The following EGFR variants were observed in gnomAD, a reference collection of about 807,000 sequenced individuals.
EGFR encodes avian erythroblastic leukemia viral (v-erb-b) oncogene homolog.
Under a neutral mutation model 143.0 loss-of-function variants are expected in EGFR, and 58 were observed. The observed-to-expected ratio is 0.41, with a 90% CI of 0.33 to 0.50. EGFR has a LOEUF of 0.50. Ranked by LOEUF, EGFR falls within the 20% of genes least tolerant of loss-of-function variation. The pLI, the probability that EGFR is intolerant of heterozygous loss-of-function variation, is 0.39. For synonymous variants in EGFR, 613 were observed against 594.4 expected, an observed-to-expected ratio of 1.03 and a Z score of -0.45; for missense variants, 1,307 against 1,579.0, an observed-to-expected ratio of 0.83 and a Z score of 2.92.
chr7:55,154,233 A>G (rs2128935388), intron 7 of EGFR, 81 bp downstream of exon 7: 2 of 1,602,996 alleles, frequency 1.2e-6, no homozygotes, highest in Admixed American at 3.4e-5. Context: ...GGAGTATCCC[A>G]TCTTGGAGAG....
intron 1 of EGFR, among the ~76,000 whole-genome samples, chr7:55,035,388 G>A (rs1787497353): frequency 1.3e-5 from 2 of 151,892 alleles, no homozygotes; most frequent in Admixed American, 6.6e-5. Flanking sequence ...AAATGGCCGA[G>A]TGTGGTGGCT....
chr7:55,075,136 G>A (rs1223053473), intron 1 of EGFR, among the ~76,000 whole-genome samples: 6 of 152,022 alleles, frequency 3.9e-5, no homozygotes, highest in Admixed American at 6.5e-5. Context: ...CAGGGGCCAC[G>A]GTTGCAGCCT....
intron 1 of EGFR, among the ~76,000 whole-genome samples, chr7:55,052,775 G>T (rs1266908841): frequency 6.6e-6 from 1 of 152,216 alleles, no homozygotes; most frequent in Non-Finnish European, 1.5e-5. Context: ...CTCCGGGTGG[G>T]AATGGAGCTG....
chr7:55,144,226 G>A (rs751344518), intron 3 of EGFR, among the ~76,000 whole-genome samples: 14 of 152,198 alleles, frequency 9.2e-5, no homozygotes, highest in East Asian at 1.9e-4. Flanking sequence ...GGGTGAAGGC[G>A]TCATTAGGTC....
chr7:55,203,638 TACAC>T (rs753309143), intron 27 of EGFR, among the ~76,000 whole-genome samples: 7 of 93,712 alleles, frequency 7.5e-5, no homozygotes, highest in South Asian at 3.4e-4. Flanking sequence ...ACACCACACA[TACAC>T]ACACACACCA....
At chr7:55,171,536 C>T (rs1369456031) in intron 16 of EGFR, among the ~76,000 whole-genome samples, 2 of 152,234 alleles carry the variant, frequency 1.3e-5, no homozygotes, top group African/African-American at 4.8e-5. Flanking sequence ...GTGCCTCTAG[C>T]TCCTCTTTTT....
intron 22 of EGFR, among the ~76,000 whole-genome samples, chr7:55,193,345 C>A (rs531638203): frequency 7.4e-4 from 112 of 152,166 alleles, no homozygotes; most frequent in African/African-American, 2.5e-3. Context: ...CCTTGCTTCT[C>A]GCTCTCGGGA....
intron 7 of EGFR, 52 bp downstream of exon 7, chr7:55,154,204 C>G (rs2128935325): frequency 6.2e-7 from 1 of 1,613,266 alleles, no homozygotes. Flanking sequence ...TTGTCCCGCT[C>G]TGTCTCCTGC....
intron 1 of EGFR, among the ~76,000 whole-genome samples, chr7:55,051,064 T>G (rs564168001): frequency 6.6e-6 from 1 of 152,164 alleles, no homozygotes; most frequent in East Asian, 1.9e-4. Context: ...GTCGGCACCA[T>G]GCTAGAACTT....
At chr7:55,142,462 C>T in intron 2 of EGFR, 25 bp downstream of exon 2, 1 of 1,612,654 alleles carries the variant, frequency 6.2e-7, no homozygotes, top group Non-Finnish European at 8.5e-7. Context: ...TTTTCCTACA[C>T]AAATAAAATT....
intron 20 of EGFR, 153 bp downstream of exon 20, chr7:55,181,631 T>C (rs931396217): frequency 1.1e-6 from 1 of 891,794 alleles, no homozygotes; most frequent in Non-Finnish European, 1.8e-6. Flanking sequence ...TTCAATCAAG[T>C]TGATCTTCTT....
chr7:55,202,818 G>T, intron 27 of EGFR, 193 bp downstream of exon 27: 1 of 704,364 alleles, frequency 1.4e-6, no homozygotes, highest in Non-Finnish European at 2.6e-6. Context: ...GCTCTTTGTT[G>T]TGTCTGGTTG....
rs1786474510 is a variant in EGFR at position 55,173,950 on chromosome 7, A to C, written c.2091A>C (p.Glu697Asp). The C allele has an allele frequency of 1.2e-6, 2 of 1,614,202 alleles. No homozygotes were observed. The highest frequency in any genetic ancestry group is 1.7e-6 in the Non-Finnish European group (2 of 1,180,032). The change falls in exon 18 of 28, where the codon GAA (glutamate) becomes GAC (aspartate). Residue 697 changes from glutamate (E) to aspartate (D), a missense_variant. By Grantham distance (45) the Glu-to-Asp change is conservative. Coordinates refer to ENST00000275493, the MANE Select transcript of EGFR (RefSeq NM_005228.5). ...TGGAGCCTCTTACACCCAGTGGAGA[A>C]GCTCCCAACCAAGCTCTCTTGAGGA... ...ELVEPLTPSGEAPNQALLRIL... is the reference protein window; with the variant it reads ...ELVEPLTPSGDAPNQALLRIL...
At chr7:55,088,529 T>C (rs1790903494) in intron 1 of EGFR, among the ~76,000 whole-genome samples, 1 of 152,204 alleles carries the variant, frequency 6.6e-6, no homozygotes, top group Non-Finnish European at 1.5e-5. Flanking sequence ...CTGCCAGGCA[T>C]CCGCACTTGC....
At chr7:55,029,579 T>C (rs1480010366) in intron 1 of EGFR, among the ~76,000 whole-genome samples, 2 of 152,194 alleles carry the variant, frequency 1.3e-5, no homozygotes, top group Non-Finnish European at 2.9e-5. Flanking sequence ...TGTAAAAATA[T>C]ACTATATAAT....
chr7:55,206,032 G>A lies in EGFR; in HGVS notation c.*415G>A, dbSNP rs1279066544. The A allele has an allele frequency of 1.4e-5, 5 of 369,850 alleles. No individual in the cohort carries two copies. Among genetic ancestry groups the A allele is most frequent in the Non-Finnish European group, 2.5e-5 (5 of 200,898 alleles). The allele number at this position is 369,850 out of a possible 1,614,324, so 22.9% of individuals were successfully genotyped here. A position where few individuals can be genotyped will look rare whatever the true frequency, so the allele number is the denominator to read the frequency against. On this transcript the variant is annotated 3_prime_UTR_variant, in exon 28 of 28. Coordinates refer to ENST00000275493, the MANE Select transcript of EGFR (RefSeq NM_005228.5). ...TTGCTGGTAGCACTTGCTACCCTGA[G>A]TTCATCCAGGCCCAACTGTGAGCAA... is the stretch of plus-strand genomic sequence containing the variant.
At chr7:55,086,942 C>T (rs1338623184) in intron 1 of EGFR, among the ~76,000 whole-genome samples, 2 of 152,166 alleles carry the variant, frequency 1.3e-5, no homozygotes, top group African/African-American at 2.4e-5. Context: ...ACAACACTAT[C>T]TTAATATTTC....
rs1429417952 is a variant in EGFR at position 55,104,879 on chromosome 7, C to T, written c.89-37407C>T. Reference sequence around the variant, plus strand: ...GATTTATAGTCATGTATTGCTTGTGCTTTGGCTTCATTTGATCCAATGCAG... The same window carrying T: ...GATTTATAGTCATGTATTGCTTGTGTTTTGGCTTCATTTGATCCAATGCAG... On this transcript the variant is annotated intron_variant, in intron 1 of 27. Coordinates refer to ENST00000275493, the MANE Select transcript of EGFR (RefSeq NM_005228.5). Among the ~76,000 whole-genome samples the T allele has an allele frequency of 3.9e-5, 6 of 152,322 alleles. No homozygotes were observed. In the East Asian group the frequency reaches 1.2e-3, roughly 29 times the overall value.
In EGFR at chr7:55,069,644, A is replaced by G. The variant is rs186476189; in HGVS notation, c.88+50279A>G. On this transcript the variant is annotated intron_variant, in intron 1 of 27. Coordinates refer to ENST00000275493, the MANE Select transcript of EGFR (RefSeq NM_005228.5). ...CCTCCTAGGTCGTGAAGCTGTGATGAGCAAAGACACACTCCTCTCCATTCT... is the reference window on the plus strand; with the variant it reads ...CCTCCTAGGTCGTGAAGCTGTGATGGGCAAAGACACACTCCTCTCCATTCT... 1.6e-4 allele frequency among the ~76,000 whole-genome samples: 24 copies of G among 152,264 alleles called. No individual in the cohort carries two copies. The South Asian group carries it at 2.3e-3, about 14-fold the overall frequency.
Sources: gnomAD v4.1 joint callset for allele counts (sites outside exome capture counted in the v4.1 genomes callset) on GRCh38, gnomAD v4.1.1 for gene constraint, MANE v1.5 for transcripts, NCBI Gene and HGNC (gene_info 2026-07-23, HGNC 2026-07-21) for gene names.